AMACR: variants seen among roughly 807,000 people sequenced by gnomAD.
AMACR encodes 2-methylacyl-CoA racemase.
AMACR carries 18 observed loss-of-function variants against 22.2 expected under a neutral mutation model. The ratio of observed to expected loss-of-function variants is 0.81; its 90% CI spans 0.56 to 1.20. AMACR has a LOEUF of 1.20. Among genes scored for constraint, AMACR ranks in the 50% most tolerant of loss-of-function variants. The probability of loss-of-function intolerance (pLI) is 0.00; values close to 1 mark genes in which losing one functional copy is unlikely to be tolerated. For synonymous variants in AMACR, 213 were observed against 191.3 expected, an observed-to-expected ratio of 1.11 and a Z score of -0.94; for missense variants, 499 against 490.6, an observed-to-expected ratio of 1.02 and a Z score of -0.16.
chr5:33,988,536 G>C lies in AMACR; in HGVS notation c.*557C>G, dbSNP rs1389297685. 6 of 1,391,228 alleles carry C rather than the reference G, an allele frequency of 4.3e-6. No homozygotes were observed. Among genetic ancestry groups the C allele is most frequent in the African/African-American group, 1.5e-5 (1 of 68,730 alleles). The allele number at this position is 1,391,228 out of a possible 1,614,324, so 86.2% of individuals were successfully genotyped here. On this transcript the variant is annotated 3_prime_UTR_variant, in exon 5 of 5. Coordinates refer to ENST00000335606, the MANE Select transcript of AMACR (RefSeq NM_014324.6). ...TTGGATATGTTTTTTTCAGTTGAAG[G>C]CATTCTGATTCAATACAGGTGAAAC...
chr5:33,999,931 CACATATATACACAT>C (rs1415001101), intron 3 of AMACR, among the ~76,000 whole-genome samples: 1 of 152,168 alleles, frequency 6.6e-6, no homozygotes, highest in Non-Finnish European at 1.5e-5. Flanking sequence ...TACACACACA[CACATATATACACAT>C]ATGCATGTAT....
At chr5:34,005,157 T>G (rs1259879913) in intron 2 of AMACR, among the ~76,000 whole-genome samples, 1 of 152,230 alleles carries the variant, frequency 6.6e-6, no homozygotes, top group Non-Finnish European at 1.5e-5. Flanking sequence ...ACCCACTTCT[T>G]TCCTCAACTT....
Position 33,988,591 on chromosome 5 carries a change from CTG to C in AMACR, c.*500_*501del, listed in dbSNP as rs1753372055. The stretch of plus-strand genomic sequence containing the variant: ...CTTTGCAAATTACAAAGTGTGATAA[CTG>C]TTGCTAAAGTTTGGAATGTGCTTAG... On this transcript the variant is annotated 3_prime_UTR_variant, in exon 5 of 5. Coordinates refer to ENST00000335606, the MANE Select transcript of AMACR (RefSeq NM_014324.6). The C allele has an allele frequency of 7.5e-7, 1 of 1,333,216 alleles. No individual in the cohort carries two copies. Among genetic ancestry groups the C allele is most frequent in the Admixed American group, 3.3e-5 (1 of 30,082 alleles). 82.6% of individuals were successfully genotyped at this position (1,333,216 alleles called of 1,614,324 possible). A position where few individuals can be genotyped will look rare whatever the true frequency, so the allele number is the denominator to read the frequency against.
At position 33,988,554 on chromosome 5, in the gene AMACR, G is replaced by T; in HGVS notation, c.*539C>A. 1 of 1,370,010 alleles carries T rather than the reference G, an allele frequency of 7.3e-7. No individual in the cohort carries two copies. The highest frequency in any genetic ancestry group is 9.4e-7 in the Non-Finnish European group (1 of 1,064,874). 84.9% of individuals were successfully genotyped at this position (1,370,010 alleles called of 1,614,324 possible). A position where few individuals can be genotyped will look rare whatever the true frequency, so the allele number is the denominator to read the frequency against. On this transcript the variant is annotated 3_prime_UTR_variant, in exon 5 of 5. Coordinates refer to ENST00000335606, the MANE Select transcript of AMACR (RefSeq NM_014324.6). ...GTTGAAGGCATTCTGATTCAATACA[G>T]GTGAAACTTTTCTTTGCAAATTACA...
At chr5:34,006,910 C>A (rs1424157229) in intron 1 of AMACR, among the ~76,000 whole-genome samples, 2 of 152,232 alleles carry the variant, frequency 1.3e-5, no homozygotes, top group Non-Finnish European at 2.9e-5. Flanking sequence ...GTGATACCAG[C>A]CCCAAACACC....
intron 4 of AMACR, among the ~76,000 whole-genome samples, chr5:33,991,372 T>C (rs1323860822): frequency 6.6e-6 from 1 of 152,120 alleles, no homozygotes; most frequent in East Asian, 1.9e-4. Context: ...CACTCCAATA[T>C]GGAACTTGGA....
At chr5:34,005,707 T>A (rs769272951) in intron 2 of AMACR, 49 bp downstream of exon 2, 2 of 1,606,502 alleles carry the variant, frequency 1.2e-6, no homozygotes, top group Non-Finnish European at 1.7e-6. Flanking sequence ...TACCTGTAGA[T>A]CTTGATGGAA....
intron 3 of AMACR, among the ~76,000 whole-genome samples, chr5:34,001,575 C>T (rs1467971945): frequency 1.3e-5 from 2 of 152,192 alleles, no homozygotes; most frequent in Admixed American, 1.3e-4. Flanking sequence ...ACTTAAAATA[C>T]GTAAGGGGGC....
chr5:33,996,039 C>A (rs1428507854), intron 4 of AMACR, among the ~76,000 whole-genome samples: 1 of 152,068 alleles, frequency 6.6e-6, no homozygotes, highest in East Asian at 1.9e-4. Flanking sequence ...CAGCTTCCCC[C>A]AAAATCCCAT....
At chr5:34,003,805 G>A (rs1025102752) in intron 3 of AMACR, among the ~76,000 whole-genome samples, 1 of 152,136 alleles carries the variant, frequency 6.6e-6, no homozygotes, top group African/African-American at 2.4e-5. Context: ...CCAGTCATTG[G>A]TCTCTGTACC....
rs1384709965 is a variant in AMACR, at chr5:33,987,435, C to G, written c.*1658G>C. On this transcript the variant is annotated 3_prime_UTR_variant, in exon 5 of 5. Transcript: ENST00000335606. ...ATTTCTAAAACTGTGCCAAGGCACC[C>G]AGGGCATTAGAGTGACCTCACAAGA... is the stretch of plus-strand genomic sequence containing the variant. 6.6e-6 allele frequency: 1 copy of G among 152,198 alleles called. No homozygotes were observed. Among genetic ancestry groups the G allele is most frequent in the Non-Finnish European group, 1.5e-5 (1 of 68,050 alleles). The allele number at this position is 152,198 out of a possible 1,614,324, so 9.4% of individuals were successfully genotyped here. A position where few individuals can be genotyped will look rare whatever the true frequency, so the allele number is the denominator to read the frequency against.
At chr5:33,998,469 T>C (rs1264831668) in intron 4 of AMACR, among the ~76,000 whole-genome samples, 172 bp downstream of exon 4, 1 of 152,094 alleles carries the variant, frequency 6.6e-6, no homozygotes, top group Non-Finnish European at 1.5e-5. Context: ...AGACTGCTGG[T>C]CAATTTAAAA....
rs747598817 is a variant in AMACR, at chr5:34,007,778, C to A, written c.242G>T (p.Arg81Leu). ...KRSDVLLEPF[R>L]RGVMEKLQLG... The stretch of plus-strand genomic sequence containing the variant: ...CCCGCGGGGCCCGGGCTCACCGCGG[C>A]GGAAGGGCTCCAGCAGCACATCCGA... Residue 81 changes from arginine (R) to leucine (L), a missense_variant, in exon 1 of 5, where the codon CGC becomes CTC. By Grantham distance (102) the Arg-to-Leu change is moderately radical. Coordinates refer to ENST00000335606, the MANE Select transcript of AMACR (RefSeq NM_014324.6). 1.3e-6 allele frequency: 2 copies of A among 1,555,484 alleles called. No homozygotes were observed. The highest frequency in any genetic ancestry group is 1.2e-5 in the South Asian group (1 of 85,966).
rs534080503 is a variant in AMACR at position 34,007,983 on chromosome 5, C to A, written c.37G>T (p.Gly13Cys). ...GCACAGAACGGGCCCGGGGCCAGGC[C>A]GGACAGCTCCACGACCGAGATGCCC... is the stretch of plus-strand genomic sequence containing the variant. Reference protein sequence around the residue: ...LQGISVVELSGLAPGPFCAMV... With the variant: ...LQGISVVELSCLAPGPFCAMV... The change falls in exon 1 of 5, where the codon GGC becomes TGC. Residue 13 changes from glycine (G) to cysteine (C), a missense_variant. By Grantham distance (159) the Gly-to-Cys change is radical. Coordinates refer to ENST00000335606, the MANE Select transcript of AMACR (RefSeq NM_014324.6). The A allele has an allele frequency of 1.2e-6, 2 of 1,611,664 alleles. No individual in the cohort carries two copies. Among genetic ancestry groups the A allele is most frequent in the African/African-American group, 2.7e-5 (2 of 75,044 alleles).
intron 4 of AMACR, chr5:33,997,822 A>AG (rs1234986315): frequency 3.9e-5 from 15 of 382,074 alleles, no homozygotes; most frequent in Non-Finnish European, 6.0e-5. Flanking sequence ...TCCATCAGAT[A>AG]AGAACACATC....
chr5:34,004,947 A>C (rs1753927753), intron 2 of AMACR, among the ~76,000 whole-genome samples: 1 of 152,240 alleles, frequency 6.6e-6, no homozygotes, highest in South Asian at 2.1e-4. Flanking sequence ...TTTCCTCTCT[A>C]AAACCTATTC....
intron 4 of AMACR, 132 bp from the exon 5 acceptor site, chr5:33,989,634 G>T: frequency 1.3e-6 from 1 of 768,862 alleles, no homozygotes; most frequent in African/African-American, 1.8e-5. Context: ...TGAGTCAAGA[G>T]AAAAAAATGT....
chr5:34,007,849 C>T lies in AMACR; in HGVS notation c.171G>A (p.Leu57=). ...GRGKRSLVLD[L]KQPRGAAVLR... ...GCACGGCGGCTCCCCGCGGCTGCTT[C>T]AGGTCCAGCACTAGCGAGCGCTTGC... Residue 57 remains leucine (L), a synonymous_variant, in exon 1 of 5, where the codon CTG becomes CTA. Transcript: ENST00000335606. 6.3e-7 allele frequency: 1 copy of T among 1,583,018 alleles called. No individual in the cohort carries two copies. The highest frequency in any genetic ancestry group is 1.8e-5 in the Admixed American group (1 of 56,178).
At chr5:33,993,972 T>C (rs910589465) in intron 4 of AMACR, 2 of 446,576 alleles carry the variant, frequency 4.5e-6, no homozygotes, top group Admixed American at 2.5e-5. Flanking sequence ...AGAGACTTGC[T>C]ATCTCAAAAT....
Sources: allele counts gnomAD v4.1 joint callset (sites outside exome capture counted in the v4.1 genomes callset), GRCh38; gene constraint gnomAD v4.1.1; transcripts MANE v1.5; gene names NCBI Gene and HGNC (gene_info 2026-07-23, HGNC 2026-07-21).